SNX30: variants seen among roughly 807,000 people sequenced by gnomAD.
SNX30 encodes the protein sorting nexin-30.
In SNX30, 24 loss-of-function variants were observed where a neutral mutation model predicts 46.4. The observed-to-expected ratio is 0.52, with a 90% CI of 0.37 to 0.73. SNX30 has a LOEUF of 0.73. Ranked by LOEUF, SNX30 falls within the 30% of genes least tolerant of loss-of-function variation. The pLI is 0.00. For missense variants in SNX30, 533 were observed against 555.7 expected, an observed-to-expected ratio of 0.96 and a Z score of 0.41; for synonymous variants, 189 against 211.5, an observed-to-expected ratio of 0.89 and a Z score of 0.92.
chr9:112,857,061 C>T (rs1841143048), intron 7 of SNX30, among the ~76,000 whole-genome samples: 1 of 152,212 alleles, frequency 6.6e-6, no homozygotes, highest in Non-Finnish European at 1.5e-5. Flanking sequence ...CGGGCCCCAG[C>T]AGCTGTGCTC....
chr9:112,879,858 T>A (rs1241930242), downstream of SNX30: 17 of 1,584,050 alleles, frequency 1.1e-5, no homozygotes, highest in Non-Finnish European at 1.5e-5. Context: ...AGAGAACAGC[T>A]GGAATGGGGT....
downstream of SNX30, chr9:112,879,703 T>G: frequency 6.5e-7 from 1 of 1,527,648 alleles, no homozygotes; most frequent in East Asian, 2.3e-5. Flanking sequence ...TGGTCCCTTC[T>G]TTTGTCTTCT....
In SNX30 at chr9:112,781,871, A is replaced by C. The variant is rs918999826; in HGVS notation, c.157-22905A>C. Reference sequence around the variant, plus strand: ...TGGTCAGGCTGGTCTTAAACTCCTGAAATCAGGTGATCCACCCGCCTTATC... The same window carrying C: ...TGGTCAGGCTGGTCTTAAACTCCTGCAATCAGGTGATCCACCCGCCTTATC... On this transcript the variant is annotated intron_variant, in intron 1 of 8. Coordinates refer to ENST00000374232, the MANE Select transcript of SNX30 (RefSeq NM_001012994.2). Among the ~76,000 whole-genome samples the C allele has an allele frequency of 1.3e-4, 19 of 151,730 alleles. No individual in the cohort carries two copies. In the South Asian group the frequency reaches 2.5e-3, roughly 20 times the overall value.
chr9:112,859,041 T>C (rs1466332252), intron 7 of SNX30, among the ~76,000 whole-genome samples: 1 of 152,218 alleles, frequency 6.6e-6, no homozygotes, highest in African/African-American at 2.4e-5. Flanking sequence ...TCTGGAACTC[T>C]TTTCATCTTG....
intron 2 of SNX30, among the ~76,000 whole-genome samples, chr9:112,810,604 G>A (rs542676842): frequency 1.3e-5 from 2 of 152,282 alleles, no homozygotes; most frequent in Non-Finnish European, 2.9e-5. Context: ...AGAGGGAGAT[G>A]TGTGGGTTTC....
chr9:112,838,991 A>G (rs956680735), intron 6 of SNX30, among the ~76,000 whole-genome samples: 7 of 152,006 alleles, frequency 4.6e-5, no homozygotes, highest in African/African-American at 1.7e-4. Flanking sequence ...AGTAATAATT[A>G]GAGCTCTTGG....
chr9:112,869,067 A>G lies in SNX30; in HGVS notation c.*224A>G. 3.5e-6 allele frequency: 2 copies of G among 579,000 alleles called. No homozygotes were observed. The highest frequency in any genetic ancestry group is 6.2e-6 in the Non-Finnish European group (2 of 323,204). 35.9% of individuals were successfully genotyped at this position (579,000 alleles called of 1,614,324 possible). A position where few individuals can be genotyped will look rare whatever the true frequency, so the allele number is the denominator to read the frequency against. ...TAGAATATCTCTCAGCAAGAGCAGC[A>G]TACCTCCATGTTGTGAAGGCATCTG... On this transcript the variant is annotated 3_prime_UTR_variant, in exon 9 of 9. Coordinates refer to ENST00000374232, the MANE Select transcript of SNX30 (RefSeq NM_001012994.2).
intron 1 of SNX30, among the ~76,000 whole-genome samples, chr9:112,753,136 TG>T (rs1839302126): frequency 6.6e-6 from 1 of 152,166 alleles, no homozygotes; most frequent in Non-Finnish European, 1.5e-5. Context: ...TGGGGATCAT[TG>T]GGCCATCTTG....
At chr9:112,824,783 C>T (rs758201960) in intron 3 of SNX30, among the ~76,000 whole-genome samples, 13 of 152,162 alleles carry the variant, frequency 8.5e-5, no homozygotes, top group Non-Finnish European at 1.2e-4. Context: ...TCCACCATCA[C>T]ATCTCCTTTT....
At chr9:112,805,784 T>C (rs1840216178) in intron 2 of SNX30, among the ~76,000 whole-genome samples, 1 of 152,186 alleles carries the variant, frequency 6.6e-6, no homozygotes, top group African/African-American at 2.4e-5. Context: ...CATAACAATC[T>C]TAAAACTTAT....
chr9:112,825,194 A>G (rs1840563255), intron 3 of SNX30, among the ~76,000 whole-genome samples: 1 of 152,208 alleles, frequency 6.6e-6, no homozygotes, highest in Admixed American at 6.5e-5. Context: ...TTATAATTTT[A>G]TATCTGCACT....
At chr9:112,839,627 A>G (rs538964349) in intron 6 of SNX30, among the ~76,000 whole-genome samples, 5 of 152,348 alleles carry the variant, frequency 3.3e-5, no homozygotes, top group South Asian at 2.1e-4. Flanking sequence ...CGATGGGGGC[A>G]CTGATTAGTA....
chr9:112,836,891 A>C (rs1212655008), intron 5 of SNX30, among the ~76,000 whole-genome samples: 2 of 151,256 alleles, frequency 1.3e-5, no homozygotes, highest in South Asian at 2.1e-4. Context: ...TTTTAAACCC[A>C]CTCCTGCATG....
chr9:112,771,190 T>G (rs1839643175), intron 1 of SNX30, among the ~76,000 whole-genome samples: 1 of 152,250 alleles, frequency 6.6e-6, no homozygotes, highest in Admixed American at 6.5e-5. Context: ...TGCTTATTGC[T>G]AAATTTCCAT....
chr9:112,782,149 CTCTACCTTCCGGGT>C (rs1459840881), intron 1 of SNX30, among the ~76,000 whole-genome samples: 1 of 152,034 alleles, frequency 6.6e-6, no homozygotes, highest in Non-Finnish European at 1.5e-5. Flanking sequence ...TCACTGCACC[CTCTACCTTCCGGGT>C]TCAAGAGATT....
chr9:112,847,619 G>A (rs993059532), intron 6 of SNX30, among the ~76,000 whole-genome samples: 3 of 151,832 alleles, frequency 2.0e-5, no homozygotes, highest in African/African-American at 7.3e-5. Flanking sequence ...ATCCTTCTTT[G>A]TCCATTTATT....
downstream of SNX30, chr9:112,879,561 G>A (rs547650047): frequency 2.2e-5 from 12 of 539,134 alleles, no homozygotes; most frequent in African/African-American, 7.5e-5. Flanking sequence ...AGCTGAGAAC[G>A]TTTTTCCATC....
chr9:112,863,763 G>A (rs1002349042), intron 7 of SNX30, among the ~76,000 whole-genome samples: 7 of 152,188 alleles, frequency 4.6e-5, no homozygotes, highest in Non-Finnish European at 1.0e-4. Context: ...TCTGATTAAT[G>A]AGGAAAGGCA....
intron 1 of SNX30, among the ~76,000 whole-genome samples, chr9:112,769,795 T>C (rs968629728): frequency 6.6e-6 from 1 of 152,294 alleles, no homozygotes; most frequent in South Asian, 2.1e-4. Context: ...TCCAAATTCC[T>C]GTCTCCCACT....
Sources: gnomAD v4.1 joint callset for allele counts (sites outside exome capture counted in the v4.1 genomes callset) on GRCh38, gnomAD v4.1.1 for gene constraint, MANE v1.5 for transcripts, NCBI Gene and HGNC (gene_info 2026-07-23, HGNC 2026-07-21) for gene names.